The following CASKIN1 variants were observed in gnomAD, a reference collection of about 807,000 sequenced individuals.
CASKIN1 encodes caskin-1.
A neutral mutation model predicts 117.5 loss-of-function variants in CASKIN1; 42 were observed. That is an observed-to-expected ratio of 0.36 (90% CI 0.28 to 0.46). CASKIN1 has a LOEUF of 0.46. Ranked by LOEUF, CASKIN1 falls within the 20% of genes least tolerant of loss-of-function variation. The pLI, the probability that CASKIN1 is intolerant of heterozygous loss-of-function variation, is 1.00. For synonymous variants in CASKIN1, 1,148 were observed against 961.7 expected (o/e 1.19, Z -3.59); for missense variants, 2,083 against 2,077.3 (o/e 1.00, Z -0.05).
chr16:2,181,168 CG>C lies in CASKIN1; in HGVS notation c.2199del (p.Ala734ProfsTer71). ...RSQEYLLDEGPAPGTPPREAR... is the reference protein window; with the variant it reads ...RSQEYLLDEGXAPGTPPREAR... ...GCCTCCCTGGGCGGGGTGCCGGGGG[CG>C]GGGCCCTCATCCAGGAGGTACTCCT... is the stretch of plus-strand genomic sequence containing the variant. On this transcript the variant is annotated frameshift_variant, in exon 18 of 20. Transcript: ENST00000343516. LOFTEE classifies it high-confidence loss of function. 1.3e-6 allele frequency: 2 copies of C among 1,513,148 alleles called. No individual in the cohort carries two copies. Among genetic ancestry groups the C allele is most frequent in the Non-Finnish European group, 1.8e-6 (2 of 1,141,896 alleles). The allele number at this position is 1,513,148 out of a possible 1,614,324, so 93.7% of individuals were successfully genotyped here.
At position 2,182,032 on chromosome 16, in the gene CASKIN1, G is replaced by A. The variant is rs1030011580; in HGVS notation, c.1630-103C>T. On this transcript the variant is annotated intron_variant, in intron 16 of 19. Coordinates refer to ENST00000343516, the MANE Select transcript of CASKIN1 (RefSeq NM_020764.4). The surrounding 1 kb of genome is among the most constrained non-coding windows in gnomAD (Gnocchi z 4.1). ...AGGGTCACCGGGCCAGCAGGGCACA[G>A]ACAGACAGGAGGACAAACGGATAGG... is the stretch of plus-strand genomic sequence containing the variant. 1.3e-6 allele frequency: 2 copies of A among 1,523,712 alleles called. No individual in the cohort carries two copies. The highest frequency in any genetic ancestry group is 1.2e-5 in the South Asian group (1 of 85,288). The allele number at this position is 1,523,712 out of a possible 1,614,324, so 94.4% of individuals were successfully genotyped here. A position where few individuals can be genotyped will look rare whatever the true frequency, so the allele number is the denominator to read the frequency against.
rs891535935 is a variant in CASKIN1, at chr16:2,180,715, G to A, written c.2653C>T (p.Arg885Cys). The change falls in exon 18 of 20, where the codon CGC becomes TGC. Residue 885 changes from arginine (R) to cysteine (C), a missense_variant. Around this residue, in one of 3 missense-constraint regions of CASKIN1, gnomAD observed 1,818 missense variants for 1,688.9 expected, o/e 1.08. Coordinates refer to ENST00000343516, the MANE Select transcript of CASKIN1 (RefSeq NM_020764.4). ...RPKKRAHSLNRYAASDSEPER... is the reference protein window; with the variant it reads ...RPKKRAHSLNCYAASDSEPER... ...GGCTCGCTGTCGGACGCCGCATAGCGATTCAGGCTGTGGGCCCGCTTCTTG... is the reference window on the plus strand; with the variant it reads ...GGCTCGCTGTCGGACGCCGCATAGCAATTCAGGCTGTGGGCCCGCTTCTTG... 10 of 1,469,116 alleles carry A rather than the reference G, an allele frequency of 6.8e-6. No homozygotes were observed. Among genetic ancestry groups the A allele is most frequent in the Admixed American group, 2.5e-5 (1 of 40,122 alleles). The allele number at this position is 1,469,116 out of a possible 1,614,324, so 91.0% of individuals were successfully genotyped here. A position where few individuals can be genotyped will look rare whatever the true frequency, so the allele number is the denominator to read the frequency against.
Position 2,180,457 on chromosome 16 carries a change from C to T in CASKIN1, c.2911G>A (p.Glu971Lys), listed in dbSNP as rs747282431. The T allele has an allele frequency of 6.4e-6, 10 of 1,556,092 alleles. No individual in the cohort carries two copies. Among genetic ancestry groups the T allele is most frequent in the Non-Finnish European group, 7.8e-6 (9 of 1,157,930 alleles). The change falls in exon 18 of 20, where the codon GAG (glutamate) becomes AAG (lysine). Residue 971 changes from glutamate to lysine, a missense_variant. Glu to Lys is a moderately conservative substitution (Grantham distance 56, BLOSUM62 1). Around this residue, in one of 3 missense-constraint regions of CASKIN1, gnomAD observed 1,818 missense variants for 1,688.9 expected, o/e 1.08. Transcript: ENST00000343516. The stretch of plus-strand genomic sequence containing the variant: ...ACCCCCAGCAGGCCATCCTCAGGCT[C>T]GGCGTCAGGCACCGGCTCATCCGCC... ...NLADEPVPDA[E>K]PEDGLLGVRA...
rs372864295 is a variant in CASKIN1 at position 2,180,004 on chromosome 16, C to T, written c.3364G>A (p.Ala1122Thr). ...GCCCGGATGCGCCTCTTGAGTGTGG[C>T]GCTGGCTTCCACCTTGGCCAAGGGC... Reference protein sequence around the residue: ...GPPLAKVEASATLKRRIRAKQ... With the variant: ...GPPLAKVEASTTLKRRIRAKQ... Residue 1122 changes from alanine (A) to threonine (T), a missense_variant, in exon 18 of 20, where the codon GCC (alanine) becomes ACC (threonine). Physicochemically the swap from Ala to Thr is moderately conservative, Grantham distance 58. Transcript: ENST00000343516. 5 of 1,601,498 alleles carry T rather than the reference C, an allele frequency of 3.1e-6. No homozygotes were observed. The highest frequency in any genetic ancestry group is 1.7e-5 in the Admixed American group (1 of 58,834).
chr16:2,196,295 G>A lies in CASKIN1; in HGVS notation c.94+44C>T, dbSNP rs1424996108. ...GGTGGGGGGCTCCGCGCCGGGGAGG[G>A]GCCCCCGGGGCTCCCACCCGCGCCC... On this transcript the variant is annotated intron_variant, in intron 1 of 19. Transcript: ENST00000343516. The surrounding 1 kb of genome is among the most constrained non-coding windows in gnomAD (Gnocchi z 5.7). The A allele has an allele frequency of 1.0e-6, 1 of 971,412 alleles. No homozygotes were observed. The highest frequency in any genetic ancestry group is 4.5e-5 in the South Asian group (1 of 22,300). The allele number at this position is 971,412 out of a possible 1,614,324, so 60.2% of individuals were successfully genotyped here. A position where few individuals can be genotyped will look rare whatever the true frequency, so the allele number is the denominator to read the frequency against.
In CASKIN1 at chr16:2,185,192, G is replaced by T; in HGVS notation, c.1158C>A (p.Asp386Glu). ...WVLRKPFAGG[D>E]RSGSISGMAG... ...CCATGCCGCTAATGCTGCCGCTTCG[G>T]TCCCCACCTGCCAGCACAAGGGAGC... Residue 386 changes from aspartate to glutamate, a missense_variant, in exon 12 of 20, where the codon GAC (aspartate) becomes GAA (glutamate). By Grantham distance (45) the Asp-to-Glu change is conservative. Coordinates refer to ENST00000343516, the MANE Select transcript of CASKIN1 (RefSeq NM_020764.4). 1 of 1,611,040 alleles carries T rather than the reference G, an allele frequency of 6.2e-7. No homozygotes were observed.
In CASKIN1 at chr16:2,185,183, G is replaced by A. The variant is rs1264974317; in HGVS notation, c.1167C>T (p.Gly389=). The change falls in exon 12 of 20, where the codon GGC becomes GGT. Residue 389 remains glycine, a synonymous_variant. Coordinates refer to ENST00000343516, the MANE Select transcript of CASKIN1 (RefSeq NM_020764.4). ...RKPFAGGDRS[G]SISGMAGGRG... ...GGCCGCCAGCCATGCCGCTAATGCT[G>A]CCGCTTCGGTCCCCACCTGCCAGCA... is the stretch of plus-strand genomic sequence containing the variant. 1 of 1,610,586 alleles carries A rather than the reference G, an allele frequency of 6.2e-7. No individual in the cohort carries two copies. Among genetic ancestry groups the A allele is most frequent in the East Asian group, 2.2e-5 (1 of 44,844 alleles).
In CASKIN1 at chr16:2,186,671, G is replaced by A. The variant is rs748432231; in HGVS notation, c.1048+36C>T. 21 of 1,577,280 alleles carry A rather than the reference G, an allele frequency of 1.3e-5. No homozygotes were observed. In the South Asian group the frequency reaches 2.3e-4, roughly 18 times the overall value. ...CTGCTTCCAGCCCCCAAGCCCAGGG[G>A]CTCCTGCCTGCCCCCCAGGGTGGGG... On this transcript the variant is annotated intron_variant, in intron 10 of 19. Coordinates refer to ENST00000343516, the MANE Select transcript of CASKIN1 (RefSeq NM_020764.4).
In CASKIN1 at chr16:2,196,411, C is replaced by A. The variant is rs1401036229; in HGVS notation, c.22G>T (p.Val8Leu). ...ACGTCCTCCGCCTTCACCGCCTGCA[C>A]CAGCTCCTGCTCCTTCCCCATGGCG... Reference protein sequence around the residue: MGKEQELVQAVKAEDVGT... With the variant: MGKEQELLQAVKAEDVGT... The change falls in exon 1 of 20, where the codon GTG becomes TTG. Residue 8 changes from valine to leucine, a missense_variant. Val to Leu is a conservative substitution (Grantham distance 32). Around this residue, in one of 3 missense-constraint regions of CASKIN1, gnomAD observed 62 missense variants for 49.7 expected, o/e 1.25. Transcript: ENST00000343516. This position sits in a 1 kb window ranked among gnomAD's most constrained non-coding sequence, Gnocchi z 5.7. The A allele has an allele frequency of 7.4e-7, 1 of 1,359,206 alleles. No homozygotes were observed. Among genetic ancestry groups the A allele is most frequent in the Non-Finnish European group, 9.6e-7 (1 of 1,042,276 alleles). 84.2% of individuals were successfully genotyped at this position (1,359,206 alleles called of 1,614,324 possible). A position where few individuals can be genotyped will look rare whatever the true frequency, so the allele number is the denominator to read the frequency against.
intron 1 of CASKIN1, among the ~76,000 whole-genome samples, chr16:2,194,317 TC>T (rs2093209584): frequency 6.6e-6 from 1 of 151,994 alleles, no homozygotes; most frequent in Admixed American, 6.5e-5. Context: ...CACCGGCATC[TC>T]CCCCAGAACA....
rs139560219 is a variant in CASKIN1, at chr16:2,186,003, A to C, written c.1049-595T>G. ...GTTTTAATCATTATTTTTTTTTGAG[A>C]CAGGGTCTTGCTCTGTCACTCAGGC... On this transcript the variant is annotated intron_variant, in intron 10 of 19. Coordinates refer to ENST00000343516, the MANE Select transcript of CASKIN1 (RefSeq NM_020764.4). Among the ~76,000 whole-genome samples the C allele has an allele frequency of 9.9e-3, 1,507 of 152,000 alleles. 16 individuals are homozygous for C. The highest frequency in any genetic ancestry group is 0.016 in the Non-Finnish European group (1,058 of 67,964).
At chr16:2,195,579 G>A (rs1373650167) in intron 1 of CASKIN1, among the ~76,000 whole-genome samples, 3 of 152,234 alleles carry the variant, frequency 2.0e-5, no homozygotes, top group South Asian at 4.1e-4. Context: ...CAAGCTCCCA[G>A]CCCTTTCCTG....
At chr16:2,195,018 T>C (rs1490314245) in intron 1 of CASKIN1, among the ~76,000 whole-genome samples, 1 of 152,246 alleles carries the variant, frequency 6.6e-6, no homozygotes, top group Admixed American at 6.5e-5. Flanking sequence ...GAGTTGTCTG[T>C]GTCCAAGGTC....
rs2093150985 is a variant in CASKIN1 at position 2,178,402 on chromosome 16, C to T, written c.*148G>A. 3.9e-6 allele frequency: 2 copies of T among 519,290 alleles called. No homozygotes were observed. The highest frequency in any genetic ancestry group is 7.8e-5 in the East Asian group (2 of 25,678). The allele number at this position is 519,290 out of a possible 1,614,324, so 32.2% of individuals were successfully genotyped here. A position where few individuals can be genotyped will look rare whatever the true frequency, so the allele number is the denominator to read the frequency against. ...CCCCGGCCAGGCGGTCCCCGGTGGG[C>T]GCCCCGGCCCGGGTCCAGGGGCCGG... On this transcript the variant is annotated 3_prime_UTR_variant, in exon 20 of 20. Transcript: ENST00000343516.
chr16:2,180,252 C>G lies in CASKIN1; in HGVS notation c.3116G>C (p.Arg1039Pro). The change falls in exon 18 of 20, where the codon CGG (arginine) becomes CCG (proline). Residue 1039 changes from arginine (R) to proline (P), a missense_variant. Physicochemically the swap from Arg to Pro is moderately radical, Grantham distance 103 (BLOSUM62 -2). Coordinates refer to ENST00000343516, the MANE Select transcript of CASKIN1 (RefSeq NM_020764.4). ...CACTGAGGCCAGCACGGTGGCCACC[C>G]GGCCCGGCTCTGGGCTGGCAGGGCG... ...TPRPASPEPG[R>P]VATVLASVKH... 2 of 1,554,804 alleles carry G rather than the reference C, an allele frequency of 1.3e-6. No homozygotes were observed. Among genetic ancestry groups the G allele is most frequent in the Non-Finnish European group, 1.7e-6 (2 of 1,150,710 alleles).
chr16:2,178,484 T>A lies in CASKIN1; in HGVS notation c.*66A>T. The A allele has an allele frequency of 7.6e-7, 1 of 1,314,632 alleles. No individual in the cohort carries two copies. The highest frequency in any genetic ancestry group is 1.6e-5 in the African/African-American group (1 of 64,064). The allele number at this position is 1,314,632 out of a possible 1,614,324, so 81.4% of individuals were successfully genotyped here. A position where few individuals can be genotyped will look rare whatever the true frequency, so the allele number is the denominator to read the frequency against. On this transcript the variant is annotated 3_prime_UTR_variant, in exon 20 of 20. Coordinates refer to ENST00000343516, the MANE Select transcript of CASKIN1 (RefSeq NM_020764.4). ...CTCGCGCCGCGCCCAGACGCGCCCA[T>A]CCTGAGGTATAGGTCAGTGTGCGGG...
At position 2,187,009 on chromosome 16, in the gene CASKIN1, C is replaced by T; in HGVS notation, c.899G>A (p.Ser300Asn). The change falls in exon 9 of 20, where the codon AGC becomes AAC. Residue 300 changes from serine to asparagine, a missense_variant. By Grantham distance (46) the Ser-to-Asn change is conservative (BLOSUM62 1). Transcript: ENST00000343516. Reference protein sequence around the residue: ...KDYCNNYDLTSLNVKAGDIIT... With the variant: ...KDYCNNYDLTNLNVKAGDIIT... ...GATGTCCCCTGCCTTCACGTTGAGG[C>T]TGGTCAGGTCGTAATTGTTGCAATA... The T allele has an allele frequency of 6.2e-7, 1 of 1,613,846 alleles. No individual in the cohort carries two copies. Among genetic ancestry groups the T allele is most frequent in the Non-Finnish European group, 8.5e-7 (1 of 1,179,928 alleles).
chr16:2,178,641 G>A lies in CASKIN1; in HGVS notation c.4205C>T (p.Ser1402Leu), dbSNP rs779842332. Residue 1402 changes from serine (S) to leucine (L), a missense_variant, in exon 20 of 20, where the codon TCG (serine) becomes TTG (leucine). Ser to Leu is a moderately radical substitution (Grantham distance 145, BLOSUM62 -2). Coordinates refer to ENST00000343516, the MANE Select transcript of CASKIN1 (RefSeq NM_020764.4). ...GCTGCCAGTGCTCTTTTCCGCCGCC[G>A]AGTCGCTGCGGGGCGCGGGGCAAGG... The part of the protein sequence containing the change: ...RQEDAQGPRD[S>L]AAEKSTGSIL... 19 of 1,589,390 alleles carry A rather than the reference G, an allele frequency of 1.2e-5. No individual in the cohort carries two copies. The South Asian group carries it at 1.6e-4, about 13-fold the overall frequency.
Position 2,184,823 on chromosome 16 carries a change from T to C in CASKIN1, c.1370A>G (p.Tyr457Cys), listed in dbSNP as rs764037329. ...QPPVAHAGQV[Y>C]GEQPPKKLEP... ...CAGCTTCTTGGGCGGCTGCTCCCCA[T>C]AGACCTGCCCGGCGTGGGCCACTGG... The change falls in exon 14 of 20, where the codon TAT (tyrosine) becomes TGT (cysteine). Residue 457 changes from tyrosine to cysteine, a missense_variant. Physicochemically the swap from Tyr to Cys is radical, Grantham distance 194. Coordinates refer to ENST00000343516, the MANE Select transcript of CASKIN1 (RefSeq NM_020764.4). The C allele has an allele frequency of 2.6e-6, 4 of 1,555,120 alleles. No individual in the cohort carries two copies. Among genetic ancestry groups the C allele is most frequent in the South Asian group, 1.2e-5 (1 of 83,756 alleles).
Sources: allele counts gnomAD v4.1 joint callset (sites outside exome capture counted in the v4.1 genomes callset), GRCh38; gene constraint gnomAD v4.1.1; regional missense constraint gnomAD v4.1.1; non-coding constraint Gnocchi (gnomAD v3.1); transcripts MANE v1.5; gene names NCBI Gene and HGNC (gene_info 2026-07-23, HGNC 2026-07-21).